The following KDM2A variants were observed in gnomAD, a reference collection of about 807,000 sequenced individuals.
The protein encoded by KDM2A is lysine-specific demethylase 2A.
Under a neutral mutation model 137.3 loss-of-function variants are expected in KDM2A, and 3 were observed. The observed-to-expected ratio is 0.02, with a 90% CI of 0.01 to 0.06. KDM2A has a LOEUF of 0.06. Ranked by LOEUF, KDM2A falls within the 10% of genes least tolerant of loss-of-function variation. KDM2A has a pLI of 1.00. For missense variants in KDM2A, 738 were observed against 1,510.6 expected (o/e 0.49, Z 8.48); for synonymous variants, 512 against 541.5 (o/e 0.95, Z 0.76).
intron 5 of KDM2A, among the ~76,000 whole-genome samples, chr11:67,205,906 C>G (rs1857791634): frequency 6.6e-6 from 1 of 152,096 alleles, no homozygotes; most frequent in Admixed American, 6.6e-5. Context: ...TGTTAGAATT[C>G]TACTTATTCT....
rs1175853260 is a variant in KDM2A at position 67,254,781 on chromosome 11, T to TTTGA, written c.3308-93_3308-92insTTGA. 284 of 1,218,750 alleles carry TTTGA rather than the reference T, an allele frequency of 2.3e-4. No homozygotes were observed. The highest frequency in any genetic ancestry group is 3.0e-4 in the Non-Finnish European group (255 of 858,564). 75.5% of individuals were successfully genotyped at this position (1,218,750 alleles called of 1,614,324 possible). A position where few individuals can be genotyped will look rare whatever the true frequency, so the allele number is the denominator to read the frequency against. On this transcript the variant is annotated intron_variant, in intron 20 of 20. Transcript: ENST00000529006. This position sits in a 1 kb window ranked among gnomAD's most constrained non-coding sequence, Gnocchi z 4.7. ...TTGTGGGACAAAGAGGGCTTTTGTT[T>TTTGA]AGCATTTTGAAGGAAAGACGGCTAC... is the stretch of plus-strand genomic sequence containing the variant.
At chr11:67,249,165 T>C (rs1314082906) in intron 16 of KDM2A, among the ~76,000 whole-genome samples, 1 of 152,252 alleles carries the variant, frequency 6.6e-6, no homozygotes, top group East Asian at 1.9e-4. Context: ...CAAGGATTTT[T>C]GAAGTTGACT....
At chr11:67,185,987 A>C (rs1358265638) in intron 5 of KDM2A, among the ~76,000 whole-genome samples, 1 of 152,098 alleles carries the variant, frequency 6.6e-6, no homozygotes, top group African/African-American at 2.4e-5. Context: ...ATGGACTAAG[A>C]GCCTAAAGGA....
At chr11:67,206,720 G>T (rs1316485417) in intron 5 of KDM2A, among the ~76,000 whole-genome samples, 2 of 152,246 alleles carry the variant, frequency 1.3e-5, no homozygotes, top group Non-Finnish European at 2.9e-5. Flanking sequence ...CTGAGCGACA[G>T]AGCGAGACTC....
intron 9 of KDM2A, among the ~76,000 whole-genome samples, chr11:67,218,606 T>C (rs1858239924): frequency 6.6e-6 from 1 of 151,820 alleles, no homozygotes; most frequent in African/African-American, 2.4e-5. Flanking sequence ...ATTTTATTTA[T>C]TTATTTATTT....
Position 67,228,250 on chromosome 11 carries a change from T to C in KDM2A, c.1084+87T>C. The C allele has an allele frequency of 2.1e-6, 3 of 1,416,596 alleles. No homozygotes were observed. The East Asian group carries it at 6.9e-5, about 33-fold the overall frequency. The allele number at this position is 1,416,596 out of a possible 1,614,324, so 87.8% of individuals were successfully genotyped here. A position where few individuals can be genotyped will look rare whatever the true frequency, so the allele number is the denominator to read the frequency against. ...ATACTCAGTAGGCTGTCACTCAATA[T>C]GTTCTTGGTTTTTTAATTCATCTAC... On this transcript the variant is annotated intron_variant, in intron 11 of 20. Transcript: ENST00000529006.
In KDM2A at chr11:67,250,271, C is replaced by T. The variant is rs1859370514; in HGVS notation, c.2241C>T (p.Asp747=). The T allele has an allele frequency of 6.2e-7, 1 of 1,613,792 alleles. No homozygotes were observed. The highest frequency in any genetic ancestry group is 8.5e-7 in the Non-Finnish European group (1 of 1,179,890). ...TRSSPGAGPS[D]HHSASRDERF... is the part of the protein sequence containing the mutation. ...CATCCCCTGGGGCTGGCCCCAGCGA[C>T]CACCACAGTGCCAGCCGCGATGAGC... Residue 747 remains aspartate, a synonymous_variant, in exon 17 of 21, where the codon GAC becomes GAT. Transcript: ENST00000529006. The surrounding 1 kb of genome is among the most constrained non-coding windows in gnomAD (Gnocchi z 7.1).
At chr11:67,167,499 T>A (rs932352150) in intron 2 of KDM2A, among the ~76,000 whole-genome samples, 2 of 152,174 alleles carry the variant, frequency 1.3e-5, no homozygotes, top group Non-Finnish European at 2.9e-5. Context: ...AAGTAGCTAT[T>A]TGACACTAGT....
At chr11:67,156,718 CAAAAAAAAA>C (rs56973148) in intron 2 of KDM2A, among the ~76,000 whole-genome samples, 1 of 90,892 alleles carries the variant, frequency 1.1e-5, no homozygotes. Flanking sequence ...GACTCCATCT[CAAAAAAAAA>C]AAAAAAAAAA....
intron 2 of KDM2A, among the ~76,000 whole-genome samples, chr11:67,150,831 A>ATGG (rs1856368074): frequency 7.2e-6 from 1 of 138,284 alleles, no homozygotes; most frequent in Non-Finnish European, 1.6e-5. Context: ...GCCAAGGTAA[A>ATGG]TGGTGTTAAT....
chr11:67,218,274 G>A (rs1437029983), intron 9 of KDM2A, among the ~76,000 whole-genome samples: 2 of 152,188 alleles, frequency 1.3e-5, no homozygotes, highest in African/African-American at 4.8e-5. Flanking sequence ...TTTTGATCAA[G>A]TCATTAAATC....
chr11:67,124,346 C>G (rs1013893831), intron 2 of KDM2A, among the ~76,000 whole-genome samples: 1 of 151,302 alleles, frequency 6.6e-6, no homozygotes, highest in African/African-American at 2.4e-5. Context: ...GAGACTCACT[C>G]TGTTACCCAG....
At chr11:67,174,201 T>C (rs1291890860) in intron 2 of KDM2A, among the ~76,000 whole-genome samples, 1 of 152,162 alleles carries the variant, frequency 6.6e-6, no homozygotes, top group African/African-American at 2.4e-5. Context: ...GAGGTTGCAG[T>C]AAGCTGAGAT....
At chr11:67,229,361 C>A (rs540223573) in intron 11 of KDM2A, among the ~76,000 whole-genome samples, 1 of 152,258 alleles carries the variant, frequency 6.6e-6, no homozygotes, top group Non-Finnish European at 1.5e-5. Context: ...TTTCAAGTTT[C>A]CCCAACATCT....
chr11:67,186,642 T>C (rs1331897529), intron 5 of KDM2A, among the ~76,000 whole-genome samples: 3 of 152,240 alleles, frequency 2.0e-5, no homozygotes, highest in Non-Finnish European at 2.9e-5. Context: ...TAACTCCTTT[T>C]TGTTTTCTCC....
intron 13 of KDM2A, among the ~76,000 whole-genome samples, chr11:67,244,227 G>C (rs1021089051): frequency 1.3e-5 from 2 of 152,110 alleles, no homozygotes; most frequent in African/African-American, 4.8e-5. Context: ...TTTAAGATAT[G>C]GTAAGAAATT....
At chr11:67,198,526 C>T (rs538887477) in intron 5 of KDM2A, among the ~76,000 whole-genome samples, 2 of 151,718 alleles carry the variant, frequency 1.3e-5, no homozygotes, top group Admixed American at 6.6e-5. Context: ...ATCGAGACCA[C>T]GGTGAAATCC....
chr11:67,223,321 T>G (rs191326650), intron 10 of KDM2A, among the ~76,000 whole-genome samples: 1 of 152,120 alleles, frequency 6.6e-6, no homozygotes, highest in Non-Finnish European at 1.5e-5. Context: ...TAATACAGTC[T>G]TATAAGTTAC....
rs11373238 is a variant in KDM2A, at chr11:67,222,059, CTTTTTTT to C, written c.957+2670_957+2676del. On this transcript the variant is annotated intron_variant, in intron 10 of 20. Transcript: ENST00000529006. The stretch of plus-strand genomic sequence containing the variant: ...AATACTCCTGTTTAACTCTGTCATT[CTTTTTTT>C]TTTTTTTTTTTTTAATTTATTTTTT... 5.1e-4 allele frequency among the ~76,000 whole-genome samples: 56 copies of C among 110,494 alleles called. 1 individual carries two copies. Among genetic ancestry groups the C allele is most frequent in the Admixed American group, 1.9e-3 (19 of 10,046 alleles). The allele number at this position is 110,494 out of a possible 152,430, so 72.5% of individuals were successfully genotyped here. A position where few individuals can be genotyped will look rare whatever the true frequency, so the allele number is the denominator to read the frequency against.
Sources: gnomAD v4.1 joint callset for allele counts (sites outside exome capture counted in the v4.1 genomes callset) on GRCh38, gnomAD v4.1.1 for gene constraint, Gnocchi (gnomAD v3.1) non-coding constraint, MANE v1.5 for transcripts, NCBI Gene and HGNC (gene_info 2026-07-23, HGNC 2026-07-21) for gene names.